Variants in EXTL3 observed in about 807,000 individuals in gnomAD.
EXTL3 encodes the protein exostosin-like 3.
EXTL3 carries 27 observed loss-of-function variants against 69.3 expected under a neutral mutation model. The observed-to-expected ratio is 0.39, with a 90% CI of 0.29 to 0.54. EXTL3 has a LOEUF of 0.54. Ranked by LOEUF, EXTL3 falls within the 20% of genes least tolerant of loss-of-function variation. EXTL3 has a pLI of 0.69. For synonymous variants in EXTL3, 511 were observed against 499.4 expected (o/e 1.02, Z -0.31); for missense variants, 1,003 against 1,231.8 (o/e 0.81, Z 2.78).
intron 1 of EXTL3, among the ~76,000 whole-genome samples, chr8:28,673,709 A>C (rs79394605): frequency 0.01 from 1,525 of 152,254 alleles, 20 homozygotes; most frequent in African/African-American, 0.034. Context: ...AGCTCTCTGT[A>C]TCTATCTATA....
At chr8:28,616,873 T>C (rs866396436) in intron 2 of EXTL3, among the ~76,000 whole-genome samples, 1 of 152,208 alleles carries the variant, frequency 6.6e-6, no homozygotes, top group Non-Finnish European at 1.5e-5. Context: ...CTGTGGACAC[T>C]GAAGGGAAGA....
At chr8:28,653,097 T>C (rs116516918) in intron 1 of EXTL3, among the ~76,000 whole-genome samples, 438 of 152,322 alleles carry the variant, frequency 2.9e-3, no homozygotes, top group African/African-American at 0.01. Context: ...GAGTGTATAA[T>C]GACATGAATC....
chr8:28,680,400 A>C (rs1807466269), intron 1 of EXTL3, among the ~76,000 whole-genome samples: 2 of 152,022 alleles, frequency 1.3e-5, no homozygotes, highest in Admixed American at 6.6e-5. Flanking sequence ...AAAAAAAAAA[A>C]AAAAACAGCA....
At chr8:28,719,539 C>T (rs529269655) in intron 3 of EXTL3, among the ~76,000 whole-genome samples, 2 of 152,296 alleles carry the variant, frequency 1.3e-5, no homozygotes, top group South Asian at 4.1e-4. Context: ...TTTCTTACTG[C>T]TGCTAATCTT....
chr8:28,646,543 G>A (rs1449034298), intron 1 of EXTL3, among the ~76,000 whole-genome samples: 2 of 152,170 alleles, frequency 1.3e-5, no homozygotes, highest in African/African-American at 2.4e-5. Flanking sequence ...AGTCTCTGGG[G>A]ACTCCCCTCC....
intron 1 of EXTL3, among the ~76,000 whole-genome samples, chr8:28,628,347 G>A (rs967439506): frequency 6.6e-6 from 1 of 152,060 alleles, no homozygotes; most frequent in African/African-American, 2.4e-5. Flanking sequence ...GGGCAACTGG[G>A]TGAGACTCCA....
rs188747717 is a variant in EXTL3, at chr8:28,663,694, C to T, written c.-53+40884C>T. Among the ~76,000 whole-genome samples the T allele has an allele frequency of 4.0e-4, 61 of 152,236 alleles. No individual in the cohort carries two copies. The East Asian group carries it at 4.8e-3, about 12-fold the overall frequency. On this transcript the variant is annotated intron_variant, in intron 1 of 6. Transcript: ENST00000523149. Reference sequence around the variant, plus strand: ...CTCGAACTCCTGACCTCAAGTGATCCGCCCACCTCAGCCTCCCAAAGTGCT... The same window carrying T: ...CTCGAACTCCTGACCTCAAGTGATCTGCCCACCTCAGCCTCCCAAAGTGCT...
chr8:28,722,618 A>T (rs948043731), intron 3 of EXTL3, among the ~76,000 whole-genome samples: 3 of 151,936 alleles, frequency 2.0e-5, no homozygotes, highest in Admixed American at 6.5e-5. Context: ...TCTACAAAAA[A>T]ATAGAAAAAA....
chr8:28,639,188 G>A (rs142611427), intron 1 of EXTL3, among the ~76,000 whole-genome samples: 12,140 of 150,888 alleles, frequency 0.08, 1,364 homozygotes, highest in African/African-American at 0.25. Flanking sequence ...CGCCTGCCTC[G>A]GCCTCCCAAA....
intron 1 of EXTL3, among the ~76,000 whole-genome samples, chr8:28,644,379 G>T (rs1052674028): frequency 6.6e-6 from 1 of 152,088 alleles, no homozygotes; most frequent in African/African-American, 2.4e-5. Context: ...AGAATCTCTG[G>T]AGTACAGTCT....
intron 2 of EXTL3, among the ~76,000 whole-genome samples, chr8:28,615,712 C>T (rs1806322236): frequency 6.6e-6 from 1 of 151,726 alleles, no homozygotes; most frequent in Non-Finnish European, 1.5e-5. Context: ...GGATTACAGG[C>T]ATGCACCACC....
intron 3 of EXTL3, among the ~76,000 whole-genome samples, chr8:28,728,762 C>A (rs1343599226): frequency 6.6e-6 from 1 of 152,042 alleles, no homozygotes; most frequent in African/African-American, 2.4e-5. Flanking sequence ...TGGTGCATGC[C>A]TGTAGGTCCC....
At chr8:28,608,709 A>G (rs1178001489) in intron 2 of EXTL3, among the ~76,000 whole-genome samples, 1 of 151,892 alleles carries the variant, frequency 6.6e-6, no homozygotes, top group East Asian at 1.9e-4. Context: ...CCAAAAATAC[A>G]AAAACTTAGC....
At chr8:28,742,602 GCC>G in intron 5 of EXTL3, 2 of 208,758 alleles carry the variant, frequency 9.6e-6, no homozygotes, top group South Asian at 8.1e-5. Context: ...GCAGGGAGTA[GCC>G]AGGGCCGATG....
At chr8:28,613,634 G>GAACC (rs1563424647) in intron 2 of EXTL3, among the ~76,000 whole-genome samples, 2 of 152,162 alleles carry the variant, frequency 1.3e-5, no homozygotes, top group Non-Finnish European at 2.9e-5. Flanking sequence ...GTTTTGGAAG[G>GAACC]TTAATAATTA....
At chr8:28,688,098 G>C (rs897689295) in intron 1 of EXTL3, among the ~76,000 whole-genome samples, 1 of 122,860 alleles carries the variant, frequency 8.1e-6, no homozygotes, top group Non-Finnish European at 1.7e-5. Flanking sequence ...TTTCGCTTTT[G>C]TCACCCAGGC....
intron 1 of EXTL3, among the ~76,000 whole-genome samples, chr8:28,680,151 G>A (rs1807458054): frequency 6.6e-6 from 1 of 151,580 alleles, no homozygotes; most frequent in Admixed American, 6.6e-5. Context: ...CAGCACTTTG[G>A]GAGGCCAAGG....
chr8:28,642,939 G>C (rs888423010), intron 1 of EXTL3, among the ~76,000 whole-genome samples: 15 of 69,058 alleles, frequency 2.2e-4, no homozygotes, highest in African/African-American at 9.2e-4. Flanking sequence ...CAGGTGTAGG[G>C]TACAGAAATA....
chr8:28,716,295 T>C lies in EXTL3; in HGVS notation c.236T>C (p.Val79Ala), dbSNP rs759352865. The C allele has an allele frequency of 6.2e-7, 1 of 1,614,234 alleles. No homozygotes were observed. Among genetic ancestry groups the C allele is most frequent in the Non-Finnish European group, 8.5e-7 (1 of 1,180,040 alleles). The change falls in exon 3 of 7, where the codon GTG (valine) becomes GCG (alanine). Residue 79 changes from valine to alanine, a missense_variant. Val to Ala is a moderately conservative substitution (Grantham distance 64). Coordinates refer to ENST00000220562, the MANE Select transcript of EXTL3 (RefSeq NM_001440.4). This position sits in a 1 kb window ranked among gnomAD's most constrained non-coding sequence, Gnocchi z 7.1. ...VGNELCEVKH[V>A]LDLCRIRESV... Reference sequence around the variant, plus strand: ...AACGAGCTGTGCGAGGTGAAGCACGTGCTGGATCTGTGCCGCATCCGGGAG... The same window carrying C: ...AACGAGCTGTGCGAGGTGAAGCACGCGCTGGATCTGTGCCGCATCCGGGAG...
Sources: gnomAD v4.1 joint callset for allele counts (sites outside exome capture counted in the v4.1 genomes callset) on GRCh38, gnomAD v4.1.1 for gene constraint, Gnocchi (gnomAD v3.1) non-coding constraint, MANE v1.5 for transcripts, NCBI Gene and HGNC (gene_info 2026-07-23, HGNC 2026-07-21) for gene names.